Variants in SEMA3A observed in about 807,000 individuals in gnomAD.
SEMA3A encodes the protein semaphorin-3A.
A neutral mutation model predicts 97.9 loss-of-function variants in SEMA3A; 29 were observed. The observed-to-expected ratio is 0.30, with a 90% confidence interval of 0.22 to 0.40. The LOEUF is 0.40. Among genes scored for constraint, SEMA3A ranks in the 10% least tolerant of loss-of-function variants. The pLI, the probability that SEMA3A is intolerant of heterozygous loss-of-function variation, is 1.00. For missense variants in SEMA3A, 763 were observed against 951.3 expected (o/e 0.80, Z 2.60); for synonymous variants, 321 against 323.7 (o/e 0.99, Z 0.09).
intron 3 of SEMA3A, among the ~76,000 whole-genome samples, chr7:84,118,514 C>T (rs1055720783): frequency 3.9e-5 from 6 of 152,132 alleles, no homozygotes; most frequent in African/African-American, 7.2e-5. Flanking sequence ...CTGCTGGCCA[C>T]GTTGTTAGCG....
rs17548128 is a variant in SEMA3A, at chr7:84,004,364, G to T, written c.1360+975C>A. 0.015 allele frequency among the ~76,000 whole-genome samples: 2,249 copies of T among 152,136 alleles called. 156 individuals are homozygous for T. The East Asian group carries it at 0.16, about 11-fold the overall frequency. ...ATTATGGAATTAGTAAAAGTGAATT[G>T]TTAAATGTCCATAGAAATGTATCTA... On this transcript the variant is annotated intron_variant, in intron 11 of 16. Coordinates refer to ENST00000265362, the MANE Select transcript of SEMA3A (RefSeq NM_006080.3).
At chr7:84,379,428 A>G (rs1248101453) in intron 1 of SEMA3A, among the ~76,000 whole-genome samples, 2 of 152,210 alleles carry the variant, frequency 1.3e-5, no homozygotes, top group African/African-American at 2.4e-5. Context: ...TATTGACATC[A>G]AGGATAAACG....
At chr7:84,228,666 A>G (rs754551713) in intron 3 of SEMA3A, among the ~76,000 whole-genome samples, 8 of 152,140 alleles carry the variant, frequency 5.3e-5, no homozygotes, top group African/African-American at 7.2e-5. Context: ...GGGTTTGCCA[A>G]TGGGGATTAA....
chr7:84,479,820 C>T (rs933175307), intron 1 of SEMA3A, among the ~76,000 whole-genome samples: 2 of 152,062 alleles, frequency 1.3e-5, no homozygotes, highest in African/African-American at 4.8e-5. Context: ...AAATAAGAAG[C>T]TCAATAGTTA....
chr7:84,164,976 A>C (rs1687031991), intron 1 of SEMA3A, among the ~76,000 whole-genome samples: 1 of 152,108 alleles, frequency 6.6e-6, no homozygotes, highest in African/African-American at 2.4e-5. Context: ...GGGAGGCCGA[A>C]GTGGGTGGAT....
At chr7:84,088,899 T>C (rs1222584501) in intron 4 of SEMA3A, among the ~76,000 whole-genome samples, 3 of 152,108 alleles carry the variant, frequency 2.0e-5, no homozygotes, top group Non-Finnish European at 4.4e-5. Context: ...GCTCAGAATG[T>C]TCTTTCATGT....
intron 1 of SEMA3A, among the ~76,000 whole-genome samples, chr7:84,490,007 T>C (rs1350625015): frequency 6.6e-6 from 1 of 151,906 alleles, no homozygotes; most frequent in Non-Finnish European, 1.5e-5. Context: ...TGCAATCTTA[T>C]TTGAAAACAT....
intron 3 of SEMA3A, among the ~76,000 whole-genome samples, chr7:84,270,678 T>C (rs543863913): frequency 1.3e-5 from 2 of 148,820 alleles, no homozygotes; most frequent in Non-Finnish European, 3.0e-5. Flanking sequence ...TATGAATATA[T>C]ATAGATATAT....
rs1387539277 is a variant in SEMA3A at position 84,129,873 on chromosome 7, G to A, written c.271-688C>T. 2.6e-5 allele frequency among the ~76,000 whole-genome samples: 4 copies of A among 151,972 alleles called. No individual in the cohort carries two copies. In the South Asian group the frequency reaches 8.3e-4, roughly 31 times the overall value. On this transcript the variant is annotated intron_variant, in intron 2 of 16. Coordinates refer to ENST00000265362, the MANE Select transcript of SEMA3A (RefSeq NM_006080.3). The stretch of plus-strand genomic sequence containing the variant: ...AAGACTAGTTGAGAAACAATTATTT[G>A]TGTTTTTATCCCTCATATTTAGTCT...
chr7:84,426,530 C>A (rs1804834401), intron 1 of SEMA3A, among the ~76,000 whole-genome samples: 1 of 152,030 alleles, frequency 6.6e-6, no homozygotes, highest in Non-Finnish European at 1.5e-5. Context: ...TGAATCTGTT[C>A]TTCTGCCTTG....
intron 3 of SEMA3A, among the ~76,000 whole-genome samples, chr7:84,239,102 TTAAAA>T (rs1799301875): frequency 6.6e-6 from 1 of 152,140 alleles, no homozygotes; most frequent in Admixed American, 6.6e-5. Flanking sequence ...AATGCTAATA[TTAAAA>T]TAAGTTTTTA....
At chr7:84,339,840 T>C (rs1802120792) in intron 2 of SEMA3A, among the ~76,000 whole-genome samples, 2 of 152,144 alleles carry the variant, frequency 1.3e-5, no homozygotes. Context: ...CATTCATACA[T>C]ATAGCATCTT....
intron 2 of SEMA3A, among the ~76,000 whole-genome samples, chr7:84,352,797 G>T (rs1303040003): frequency 6.6e-6 from 1 of 151,818 alleles, no homozygotes; most frequent in African/African-American, 2.4e-5. Flanking sequence ...CAGAAAGTAA[G>T]TAGATTGGAG....
chr7:84,013,928 GTAAAATAAAACCAT>G (rs1174425609), intron 7 of SEMA3A, among the ~76,000 whole-genome samples: 1 of 152,046 alleles, frequency 6.6e-6, no homozygotes, highest in Admixed American at 6.5e-5. Context: ...CTTCTCCCAG[GTAAAATAAAACCAT>G]TTTGTTACTG....
At chr7:83,969,468 T>C (rs1788838583) in intron 15 of SEMA3A, among the ~76,000 whole-genome samples, 1 of 152,218 alleles carries the variant, frequency 6.6e-6, no homozygotes, top group Non-Finnish European at 1.5e-5. Flanking sequence ...TTCATAATCC[T>C]GGCAGAATGG....
intron 3 of SEMA3A, among the ~76,000 whole-genome samples, chr7:84,260,516 C>T (rs1562875935): frequency 1.3e-5 from 2 of 152,132 alleles, no homozygotes; most frequent in Non-Finnish European, 2.9e-5. Context: ...AGCCTTTCAC[C>T]CCTGAAGGCT....
Position 84,002,292 on chromosome 7 carries a change from T to C in SEMA3A, c.1361-246A>G, listed in dbSNP as rs10253563. On this transcript the variant is annotated intron_variant, in intron 11 of 16. Transcript: ENST00000265362. ...AAAGATTGAATTTTTAGAAATATGT[T>C]TAGCCTTGAAGAAGGTTTTATCATG... Among the ~76,000 whole-genome samples, 36,133 of 152,040 alleles carry C rather than the reference T, an allele frequency of 0.24. 4,422 individuals are homozygous for C. The highest frequency in any genetic ancestry group is 0.31 in the South Asian group (1,515 of 4,816).
At chr7:84,105,300 A>C (rs968291501) in intron 4 of SEMA3A, among the ~76,000 whole-genome samples, 1 of 152,216 alleles carries the variant, frequency 6.6e-6, no homozygotes, top group Non-Finnish European at 1.5e-5. Context: ...ATTAGTTGAC[A>C]GAGCATTACC....
At chr7:84,427,699 GT>G (rs576516961) in intron 1 of SEMA3A, among the ~76,000 whole-genome samples, 10 of 124,368 alleles carry the variant, frequency 8.0e-5, no homozygotes, top group South Asian at 2.6e-4. Context: ...ACAATTAATA[GT>G]TTTTTTATGT....
Sources: allele counts gnomAD v4.1 joint callset (sites outside exome capture counted in the v4.1 genomes callset), GRCh38; gene constraint gnomAD v4.1.1; transcripts MANE v1.5; gene names NCBI Gene and HGNC (gene_info 2026-07-23, HGNC 2026-07-21).